The following PAK1 variants were observed in gnomAD, a reference collection of about 807,000 sequenced individuals.
PAK1 encodes p21 (RAC1) activated kinase 1.
A neutral mutation model predicts 67.4 loss-of-function variants in PAK1; 29 were observed. That is an observed-to-expected ratio of 0.43 (90% CI 0.32 to 0.59). The LOEUF is 0.59. PAK1 is among the 20% of genes least tolerant of loss of function. PAK1 has a pLI of 0.07. For missense variants in PAK1, 337 were observed against 670.7 expected (o/e 0.50, Z 5.50); for synonymous variants, 223 against 237.4 (o/e 0.94, Z 0.56).
intron 1 of PAK1, among the ~76,000 whole-genome samples, chr11:77,457,981 G>A (rs954684571): frequency 6.6e-6 from 1 of 152,146 alleles, no homozygotes; most frequent in African/African-American, 2.4e-5. Context: ...CATCTCTGAT[G>A]TACCAGACTC....
chr11:77,496,238 C>T, the PAK1 span, among the ~76,000 whole-genome samples: 2 of 151,870 alleles, frequency 1.3e-5, no homozygotes, highest in African/African-American at 2.4e-5. Context: ...AGGATGGTCT[C>T]GATCTCTTGA....
the PAK1 span, among the ~76,000 whole-genome samples, chr11:77,527,135 C>T: frequency 6.6e-6 from 1 of 152,316 alleles, no homozygotes; most frequent in African/African-American, 2.4e-5. Context: ...CGGGTTCTCA[C>T]TCTGTTGCCC....
chr11:77,372,100 CA>C (rs1191947347), intron 5 of PAK1, among the ~76,000 whole-genome samples: 8 of 152,204 alleles, frequency 5.3e-5, no homozygotes, highest in African/African-American at 1.7e-4. Context: ...TGAGGCTAAT[CA>C]TGCTTACATA....
At chr11:77,401,170 G>A (rs1037994107) in intron 1 of PAK1, among the ~76,000 whole-genome samples, 4 of 152,226 alleles carry the variant, frequency 2.6e-5, no homozygotes, top group African/African-American at 9.6e-5. Flanking sequence ...GAACTGGGGA[G>A]TACTGTATGC....
At chr11:77,410,272 C>T (rs144908980) in intron 1 of PAK1, among the ~76,000 whole-genome samples, 25 of 152,296 alleles carry the variant, frequency 1.6e-4, no homozygotes, top group Middle Eastern at 3.4e-3. Flanking sequence ...TCAGGCCCCC[C>T]ACTTCCCATC....
intron 9 of PAK1, among the ~76,000 whole-genome samples, chr11:77,345,031 T>C (rs1944194291): frequency 6.6e-6 from 1 of 152,148 alleles, no homozygotes; most frequent in African/African-American, 2.4e-5. Context: ...AAAAGCTACT[T>C]ACTCTTTTTG....
the PAK1 span, among the ~76,000 whole-genome samples, chr11:77,500,873 A>C: frequency 6.6e-6 from 1 of 152,020 alleles, no homozygotes; most frequent in Non-Finnish European, 1.5e-5. Flanking sequence ...TTCCCAACAG[A>C]CTTCTCTTAC....
the PAK1 span, among the ~76,000 whole-genome samples, chr11:77,498,055 C>A: frequency 6.6e-6 from 1 of 151,834 alleles, no homozygotes; most frequent in African/African-American, 2.4e-5. Flanking sequence ...TTAAAAAATT[C>A]TAATCTTCTA....
intron 1 of PAK1, among the ~76,000 whole-genome samples, chr11:77,438,932 G>A (rs1205626579): frequency 6.6e-6 from 1 of 152,196 alleles, no homozygotes; most frequent in Non-Finnish European, 1.5e-5. Context: ...GGATGAATTT[G>A]AGGCTCTAGA....
intron 12 of PAK1, among the ~76,000 whole-genome samples, chr11:77,336,847 A>G (rs1184943178): frequency 6.6e-6 from 1 of 152,014 alleles, no homozygotes. Flanking sequence ...TTTTTACATT[A>G]TATTGCAATT....
Position 77,353,456 on chromosome 11 carries a change from C to CA in PAK1, c.836+79dup, listed in dbSNP as rs201854503. On this transcript the variant is annotated intron_variant, in intron 8 of 14. Transcript: ENST00000356341. ...AAAGAAGAACAAGGTTTATGAGAGG[C>CA]AAAAAAAAAGCAAAATCATATATGC... The CA allele has an allele frequency of 8.4e-3, 8,105 of 966,208 alleles. 291 individuals carry two copies. In the African/African-American group the frequency reaches 0.1, roughly 12 times the overall value. 59.9% of individuals were successfully genotyped at this position (966,208 alleles called of 1,614,324 possible). A position where few individuals can be genotyped will look rare whatever the true frequency, so the allele number is the denominator to read the frequency against.
chr11:77,395,533 A>C (rs1951719708), intron 1 of PAK1, among the ~76,000 whole-genome samples: 1 of 152,162 alleles, frequency 6.6e-6, no homozygotes, highest in Non-Finnish European at 1.5e-5. Flanking sequence ...AGCCTAATTC[A>C]AACTAATTCA....
chr11:77,447,603 C>T (rs944096670), intron 1 of PAK1, among the ~76,000 whole-genome samples: 24 of 152,000 alleles, frequency 1.6e-4, no homozygotes, highest in African/African-American at 5.8e-4. Flanking sequence ...CAGCTCACTG[C>T]AACCTCCACC....
intron 1 of PAK1, among the ~76,000 whole-genome samples, chr11:77,472,128 CATA>C (rs1332438334): frequency 1.4e-4 from 21 of 152,196 alleles, no homozygotes; most frequent in African/African-American, 5.1e-4. Context: ...AGGCCTGAAA[CATA>C]GTAGCTCTCC....
chr11:77,510,259 A>T, the PAK1 span, among the ~76,000 whole-genome samples: 1 of 152,218 alleles, frequency 6.6e-6, no homozygotes, highest in South Asian at 2.1e-4. Context: ...GCTAAAGCCA[A>T]TGTAAATATT....
upstream of PAK1, among the ~76,000 whole-genome samples, chr11:77,479,152 A>C (rs765663633): frequency 6.6e-6 from 1 of 151,922 alleles, no homozygotes; most frequent in Non-Finnish European, 1.5e-5. Context: ...ACTGTTCCCA[A>C]ACTCAGACCT....
At chr11:77,392,218 G>T in intron 2 of PAK1, 113 bp downstream of exon 2, 1 of 777,374 alleles carries the variant, frequency 1.3e-6, no homozygotes. Flanking sequence ...TATTTAACCA[G>T]AAAGAAAACA....
At chr11:77,374,270 T>G (rs1948812321) in intron 5 of PAK1, 58 bp downstream of exon 5, 1 of 1,152,524 alleles carries the variant, frequency 8.7e-7, no homozygotes. Context: ...TCTACCACAC[T>G]GTCTTGATCC....
intron 4 of PAK1, 64 bp from the exon 5 acceptor site, chr11:77,374,429 CAAAAG>C: frequency 9.7e-7 from 1 of 1,032,548 alleles, no homozygotes; most frequent in Non-Finnish European, 1.5e-6. Context: ...TTCTGGACAG[CAAAAG>C]AAGTCTATCT....
Sources: gnomAD v4.1 joint callset for allele counts (sites outside exome capture counted in the v4.1 genomes callset) on GRCh38, gnomAD v4.1.1 for gene constraint, MANE v1.5 for transcripts, NCBI Gene and HGNC (gene_info 2026-07-23, HGNC 2026-07-21) for gene names.